The following DSCAM variants were observed in gnomAD, a reference collection of about 807,000 sequenced individuals.
DSCAM encodes DS cell adhesion molecule, also known as cell adhesion molecule DSCAM.
Under a neutral mutation model 217.7 loss-of-function variants are expected in DSCAM, and 47 were observed. The observed-to-expected ratio is 0.22, with a 90% confidence interval of 0.17 to 0.28. The LOEUF (loss-of-function observed/expected upper bound fraction) is 0.28. Ranked by LOEUF, DSCAM falls within the 10% of genes least tolerant of loss-of-function variation. The pLI is 1.00. For synonymous variants in DSCAM, 1,056 were observed against 1,015.3 expected, an observed-to-expected ratio of 1.04 and a Z score of -0.76; for missense variants, 2,080 against 2,618.3, an observed-to-expected ratio of 0.79 and a Z score of 4.49.
At chr21:40,153,475 C>T (rs1358023644) in intron 16 of DSCAM, among the ~76,000 whole-genome samples, 1 of 152,132 alleles carries the variant, frequency 6.6e-6, no homozygotes, top group African/African-American at 2.4e-5. Flanking sequence ...GGTGCAAGGA[C>T]AGAAGACACC....
At chr21:40,014,924 G>A (rs553642019) in intron 32 of DSCAM, among the ~76,000 whole-genome samples, 23 of 152,242 alleles carry the variant, frequency 1.5e-4, no homozygotes, top group South Asian at 2.1e-4. Flanking sequence ...ATTTGATGCC[G>A]TTGATATTTT....
At chr21:40,762,150 C>CA (rs1465324363) in intron 1 of DSCAM, among the ~76,000 whole-genome samples, 7 of 151,800 alleles carry the variant, frequency 4.6e-5, no homozygotes, top group African/African-American at 1.5e-4. Context: ...AAAACACCTT[C>CA]AAAAAATTAA....
At chr21:40,331,728 G>C (rs1351127768) in intron 8 of DSCAM, among the ~76,000 whole-genome samples, 1 of 152,158 alleles carries the variant, frequency 6.6e-6, no homozygotes, top group East Asian at 1.9e-4. Context: ...GAAATGGAAT[G>C]AAATATGTAA....
chr21:40,325,312 T>A (rs988480059), intron 8 of DSCAM, among the ~76,000 whole-genome samples: 1 of 152,172 alleles, frequency 6.6e-6, no homozygotes, highest in African/African-American at 2.4e-5. Flanking sequence ...AATATTGGGA[T>A]AACTGACTCG....
At chr21:40,031,642 A>ACG (rs2146449392) in intron 32 of DSCAM, among the ~76,000 whole-genome samples, 1 of 150,816 alleles carries the variant, frequency 6.6e-6, no homozygotes, top group Admixed American at 6.6e-5. Context: ...ACACACAAAC[A>ACG]CGCACACACA....
intron 20 of DSCAM, among the ~76,000 whole-genome samples, chr21:40,100,038 A>G (rs1246415392): frequency 1.3e-5 from 2 of 152,160 alleles, no homozygotes; most frequent in Admixed American, 6.5e-5. Flanking sequence ...GAAGCAGGGT[A>G]AGGATGCCTA....
At chr21:40,127,279 CAGT>C (rs1387611443) in intron 19 of DSCAM, among the ~76,000 whole-genome samples, 1 of 152,126 alleles carries the variant, frequency 6.6e-6, no homozygotes, top group Non-Finnish European at 1.5e-5. Context: ...CTTTGTGACT[CAGT>C]GGTGAATGAC....
intron 20 of DSCAM, among the ~76,000 whole-genome samples, chr21:40,112,967 A>G (rs1448717354): frequency 3.3e-5 from 5 of 152,224 alleles, no homozygotes; most frequent in African/African-American, 1.2e-4. Context: ...ATGGATTCAC[A>G]GCCAAATTCT....
intron 3 of DSCAM, among the ~76,000 whole-genome samples, chr21:40,475,657 C>T (rs1198539901): frequency 6.6e-6 from 1 of 152,034 alleles, no homozygotes; most frequent in Non-Finnish European, 1.5e-5. Context: ...ATGGTGAGAC[C>T]CCATCTCTAC....
intron 3 of DSCAM, among the ~76,000 whole-genome samples, chr21:40,669,321 G>A (rs2090241696): frequency 6.6e-6 from 1 of 152,056 alleles, no homozygotes; most frequent in Admixed American, 6.5e-5. Context: ...TTATATCTAG[G>A]AGAACTGTGG....
chr21:40,770,574 CG>C (rs1413062983), intron 1 of DSCAM, among the ~76,000 whole-genome samples: 1 of 152,178 alleles, frequency 6.6e-6, no homozygotes, highest in Non-Finnish European at 1.5e-5. Context: ...CAGCCCTTAC[CG>C]TCTTTCAGAA....
At chr21:40,129,136 G>A (rs2090128868) in intron 19 of DSCAM, among the ~76,000 whole-genome samples, 1 of 152,042 alleles carries the variant, frequency 6.6e-6, no homozygotes, top group Admixed American at 6.6e-5. Flanking sequence ...TGTGACTTGT[G>A]CATGCACAAA....
chr21:40,334,775 G>T (rs1180377403), intron 8 of DSCAM, among the ~76,000 whole-genome samples: 3 of 152,130 alleles, frequency 2.0e-5, no homozygotes, highest in African/African-American at 7.2e-5. Flanking sequence ...AGCCTCTGGA[G>T]TATCTGGGAC....
intron 1 of DSCAM, among the ~76,000 whole-genome samples, chr21:40,834,793 A>T (rs994674546): frequency 6.6e-5 from 10 of 152,162 alleles, no homozygotes; most frequent in Non-Finnish European, 1.5e-4. Flanking sequence ...CAGACCCCCC[A>T]GGAAAATACA....
At position 40,622,871 on chromosome 21, in the gene DSCAM, C is replaced by CAA. The variant is rs35404997; in HGVS notation, c.508+69937_508+69938dup. Among the ~76,000 whole-genome samples, 1,298 of 141,814 alleles carry CAA rather than the reference C, an allele frequency of 9.2e-3. 10 individuals carry two copies. Among genetic ancestry groups the CAA allele is most frequent in the African/African-American group, 0.021 (783 of 38,084 alleles). The allele number at this position is 141,814 out of a possible 152,430, so 93.0% of individuals were successfully genotyped here. A position where few individuals can be genotyped will look rare whatever the true frequency, so the allele number is the denominator to read the frequency against. On this transcript the variant is annotated intron_variant, in intron 3 of 32. Transcript: ENST00000400454. ...AACACTGATTTGTATGTACATGATACAAAAAAAAAAAAAATCAGCATTAAA... is the reference window on the plus strand; with the variant it reads ...AACACTGATTTGTATGTACATGATACAAAAAAAAAAAAAAAATCAGCATTAAA...
At chr21:40,063,986 C>A (rs938383452) in intron 27 of DSCAM, among the ~76,000 whole-genome samples, 3 of 152,068 alleles carry the variant, frequency 2.0e-5, no homozygotes, top group African/African-American at 7.2e-5. Flanking sequence ...CCCATATACT[C>A]CACCCACACA....
At chr21:40,178,148 G>T (rs2090753183) in intron 15 of DSCAM, among the ~76,000 whole-genome samples, 1 of 152,198 alleles carries the variant, frequency 6.6e-6, no homozygotes, top group East Asian at 1.9e-4. Context: ...CAGCATTCAT[G>T]GACCATTGCC....
chr21:40,133,776 C>T (rs1175485201), intron 19 of DSCAM, 78 bp downstream of exon 19: 2 of 1,491,338 alleles, frequency 1.3e-6, no homozygotes, highest in Non-Finnish European at 1.8e-6. Flanking sequence ...TGATGAACTG[C>T]AGGGTAAAGG....
At chr21:40,570,583 A>T (rs909934264) in intron 3 of DSCAM, among the ~76,000 whole-genome samples, 2 of 152,240 alleles carry the variant, frequency 1.3e-5, no homozygotes, top group East Asian at 3.8e-4. Context: ...AATGGCCCAG[A>T]TGTTTGATTT....
Sources: gnomAD v4.1 joint callset for allele counts (sites outside exome capture counted in the v4.1 genomes callset) on GRCh38, gnomAD v4.1.1 for gene constraint, MANE v1.5 for transcripts, NCBI Gene and HGNC (gene_info 2026-07-23, HGNC 2026-07-21) for gene names.